Variants in EYA4 observed in about 807,000 individuals in gnomAD.
The protein encoded by EYA4 is EYA transcriptional coactivator and phosphatase 4.
A neutral mutation model predicts 87.9 loss-of-function variants in EYA4; 31 were observed. That is an observed-to-expected ratio of 0.35 (90% confidence interval 0.27 to 0.48). EYA4 has a LOEUF of 0.48. Ranked by LOEUF, EYA4 falls within the 20% of genes least tolerant of loss-of-function variation. The probability of loss-of-function intolerance (pLI) is 0.99; values close to 1 mark genes in which losing one functional copy is unlikely to be tolerated. For synonymous variants in EYA4, 263 were observed against 270.6 expected (o/e 0.97, Z 0.28); for missense variants, 678 against 761.4 (o/e 0.89, Z 1.29).
intron 1 of EYA4, among the ~76,000 whole-genome samples, chr6:133,263,097 G>A (rs924867656): frequency 2.0e-5 from 3 of 152,192 alleles, no homozygotes; most frequent in Non-Finnish European, 2.9e-5. Context: ...CACAGACCCA[G>A]TAATGAAATT....
Position 133,307,528 on chromosome 6 carries a change from G to A in EYA4, c.33+32715G>A, listed in dbSNP as rs190853697. Among the ~76,000 whole-genome samples, 10 of 152,248 alleles carry A rather than the reference G, an allele frequency of 6.6e-5. No individual in the cohort carries two copies. In the East Asian group the frequency reaches 1.5e-3, roughly 24 times the overall value. Reference sequence around the variant, plus strand: ...ACCCATTAAGTGCTATGGGCTGGAGGCAGTTCAAGCCTTAATACTAATCTG... The same window carrying A: ...ACCCATTAAGTGCTATGGGCTGGAGACAGTTCAAGCCTTAATACTAATCTG... On this transcript the variant is annotated intron_variant, in intron 2 of 19. Transcript: ENST00000355286.
intron 1 of EYA4, among the ~76,000 whole-genome samples, chr6:133,270,374 A>G (rs1395569797): frequency 6.6e-6 from 1 of 152,272 alleles, no homozygotes; most frequent in East Asian, 1.9e-4. Flanking sequence ...TATTACATAA[A>G]GTTAACAATA....
chr6:133,506,256 G>GT, intron 14 of EYA4, 61 bp downstream of exon 14: 1 of 930,042 alleles, frequency 1.1e-6, no homozygotes, highest in Non-Finnish European at 1.8e-6. Flanking sequence ...GATGGTTTCT[G>GT]TATCTGTAGA....
intron 2 of EYA4, among the ~76,000 whole-genome samples, chr6:133,371,027 T>C (rs1405365823): frequency 6.6e-6 from 1 of 152,104 alleles, no homozygotes; most frequent in African/African-American, 2.4e-5. Flanking sequence ...TAAATATATC[T>C]TTGTGTCTTT....
At chr6:133,482,119 A>G (rs759900760) in intron 12 of EYA4, among the ~76,000 whole-genome samples, 1 of 152,232 alleles carries the variant, frequency 6.6e-6, no homozygotes, top group Non-Finnish European at 1.5e-5. Flanking sequence ...TTTGAGATAT[A>G]TCTGTACTAA....
chr6:133,367,910 T>C (rs1784976708), intron 2 of EYA4, among the ~76,000 whole-genome samples: 1 of 152,158 alleles, frequency 6.6e-6, no homozygotes, highest in Admixed American at 6.5e-5. Flanking sequence ...TCTTTCAGAA[T>C]GTGTGGTTCA....
At chr6:133,446,797 G>C in intron 4 of EYA4, 43 bp downstream of exon 4, 1 of 1,601,224 alleles carries the variant, frequency 6.2e-7, no homozygotes, top group Non-Finnish European at 8.6e-7. Flanking sequence ...ATATTTCAAT[G>C]TTTGCTTTAA....
At chr6:133,364,001 G>T (rs774238362) in intron 2 of EYA4, among the ~76,000 whole-genome samples, 1 of 152,210 alleles carries the variant, frequency 6.6e-6, no homozygotes, top group Non-Finnish European at 1.5e-5. Context: ...ACCTGGGCCT[G>T]CCTCACTTAT....
chr6:133,356,791 G>GTGTGTGTGTA (rs1283165682), intron 2 of EYA4, among the ~76,000 whole-genome samples: 1 of 112,878 alleles, frequency 8.9e-6, no homozygotes, highest in African/African-American at 3.2e-5. Flanking sequence ...GTGTGTGTGT[G>GTGTGTGTGTA]TATATATATA....
At chr6:133,363,722 G>A (rs563892692) in intron 2 of EYA4, among the ~76,000 whole-genome samples, 3 of 152,122 alleles carry the variant, frequency 2.0e-5, no homozygotes, top group African/African-American at 4.8e-5. Context: ...TGATCCGCCC[G>A]CCTTGGCCTC....
intron 11 of EYA4, among the ~76,000 whole-genome samples, chr6:133,474,262 A>G (rs1795530338): frequency 6.6e-6 from 1 of 152,034 alleles, no homozygotes; most frequent in Non-Finnish European, 1.5e-5. Context: ...CTTTGTGTAA[A>G]ATGTTGCTTT....
chr6:133,375,479 T>A (rs937707854), intron 2 of EYA4, among the ~76,000 whole-genome samples: 2 of 151,850 alleles, frequency 1.3e-5, no homozygotes, highest in Non-Finnish European at 2.9e-5. Flanking sequence ...TACTTTTACA[T>A]TTTTTTATGT....
chr6:133,464,587 T>C (rs1433157853), intron 9 of EYA4, among the ~76,000 whole-genome samples, 192 bp from the exon 10 acceptor site: 1 of 152,126 alleles, frequency 6.6e-6, no homozygotes, highest in African/African-American at 2.4e-5. Context: ...ACAGATTCAA[T>C]AGGAAAGGGT....
chr6:133,257,441 A>G (rs1775425551), intron 1 of EYA4, among the ~76,000 whole-genome samples: 1 of 152,204 alleles, frequency 6.6e-6, no homozygotes, highest in Admixed American at 6.5e-5. Flanking sequence ...TACTTAGCAA[A>G]TGAAATGGAG....
At chr6:133,321,524 C>T (rs2128356634) in intron 2 of EYA4, among the ~76,000 whole-genome samples, 1 of 152,230 alleles carries the variant, frequency 6.6e-6, no homozygotes, top group Admixed American at 6.5e-5. Context: ...AGAAGTTTTA[C>T]TTTTGAGGGA....
At chr6:133,405,999 G>C (rs981752656) in intron 3 of EYA4, among the ~76,000 whole-genome samples, 27 of 147,642 alleles carry the variant, frequency 1.8e-4, no homozygotes, top group African/African-American at 6.2e-4. Flanking sequence ...AGAGAATGCT[G>C]CTAAATTCTA....
At chr6:133,360,023 G>A (rs931254489) in intron 2 of EYA4, among the ~76,000 whole-genome samples, 1 of 152,196 alleles carries the variant, frequency 6.6e-6, no homozygotes, top group African/African-American at 2.4e-5. Context: ...GGTAGCCCAG[G>A]AAGGGTTAAT....
chr6:133,506,927 GT>G (rs1385344646), intron 14 of EYA4, among the ~76,000 whole-genome samples: 1 of 152,140 alleles, frequency 6.6e-6, no homozygotes, highest in Non-Finnish European at 1.5e-5. Context: ...TAACTAAATA[GT>G]TCAGGTTCTT....
At chr6:133,275,546 C>CTTT (rs369470483) in intron 2 of EYA4, among the ~76,000 whole-genome samples, 112 of 142,208 alleles carry the variant, frequency 7.9e-4, no homozygotes, top group African/African-American at 2.5e-3. Context: ...GATGCTGTTC[C>CTTT]TTTTTTTTTT....
Sources: allele counts gnomAD v4.1 joint callset (sites outside exome capture counted in the v4.1 genomes callset), GRCh38; gene constraint gnomAD v4.1.1; transcripts MANE v1.5; gene names NCBI Gene and HGNC (gene_info 2026-07-23, HGNC 2026-07-21).